The following ADAMTSL1 variants were observed in gnomAD, a reference collection of about 807,000 sequenced individuals.
ADAMTSL1 encodes ADAMTS-like protein 1.
ADAMTSL1 carries 126 observed loss-of-function variants against 201.8 expected under a neutral mutation model. The ratio of observed to expected loss-of-function variants is 0.62; its 90% CI spans 0.54 to 0.72. The LOEUF (loss-of-function observed/expected upper bound fraction) is 0.72, where lower values mean the gene tolerates loss of function less well. ADAMTSL1 is among the 30% of genes least tolerant of loss of function. ADAMTSL1 has a pLI of 0.00. For synonymous variants in ADAMTSL1, 1,121 were observed against 903.4 expected, an observed-to-expected ratio of 1.24 and a Z score of -4.32; for missense variants, 2,679 against 2,277.8, an observed-to-expected ratio of 1.18 and a Z score of -3.59.
At chr9:18,471,052 T>C (rs1821189903), upstream of ADAMTSL1, among the ~76,000 whole-genome samples, 1 of 152,210 alleles carries the variant, frequency 6.6e-6, no homozygotes, top group Non-Finnish European at 1.5e-5. Flanking sequence ...AATATGGATC[T>C]AGATTACCTA....
chr9:17,967,044 C>A (rs1005601777), intron 1 of ADAMTSL1, among the ~76,000 whole-genome samples: 1 of 152,004 alleles, frequency 6.6e-6, no homozygotes, highest in Non-Finnish European at 1.5e-5. Flanking sequence ...AAATCAGATA[C>A]TTTTCTAAAA....
chr9:18,854,709 A>T (rs1419021907), intron 23 of ADAMTSL1, among the ~76,000 whole-genome samples: 2 of 152,196 alleles, frequency 1.3e-5, no homozygotes, highest in East Asian at 3.8e-4. Flanking sequence ...TGGGCTCTAG[A>T]AATTAACATA....
chr9:18,022,997 C>T (rs34384948), intron 1 of ADAMTSL1, among the ~76,000 whole-genome samples: 41,338 of 151,944 alleles, frequency 0.27, 7,131 homozygotes, highest in Non-Finnish European at 0.38. Flanking sequence ...CCATCTCCCT[C>T]TTCCTGTGCC....
intron 23 of ADAMTSL1, among the ~76,000 whole-genome samples, chr9:18,874,218 T>A (rs559395223): frequency 6.6e-6 from 1 of 152,280 alleles, no homozygotes; most frequent in South Asian, 2.1e-4. Context: ...TTTCTAGGTA[T>A]ATGATTATAT....
chr9:18,554,805 C>G (rs1481485672), intron 3 of ADAMTSL1, among the ~76,000 whole-genome samples: 1 of 151,406 alleles, frequency 6.6e-6, no homozygotes, highest in Admixed American at 6.6e-5. Context: ...CATGTACAGT[C>G]TCCCCCACTA....
chr9:18,271,586 T>G (rs1205797851), intron 2 of ADAMTSL1, among the ~76,000 whole-genome samples: 2 of 152,204 alleles, frequency 1.3e-5, no homozygotes, highest in Non-Finnish European at 2.9e-5. Flanking sequence ...TGTTGGACAT[T>G]TGAGTTGGTT....
At chr9:18,076,310 C>T (rs1356584470) in intron 1 of ADAMTSL1, among the ~76,000 whole-genome samples, 1 of 152,216 alleles carries the variant, frequency 6.6e-6, no homozygotes, top group Non-Finnish European at 1.5e-5. Flanking sequence ...GCACATCTTA[C>T]TGAGTTCCTT....
chr9:18,082,500 C>G (rs538222578), intron 1 of ADAMTSL1, among the ~76,000 whole-genome samples: 18 of 152,258 alleles, frequency 1.2e-4, no homozygotes, highest in Middle Eastern at 3.4e-3. Flanking sequence ...TTAGTAAAGA[C>G]AGGGTTTCAC....
intron 14 of ADAMTSL1, among the ~76,000 whole-genome samples, chr9:18,718,727 C>T (rs1196662984): frequency 1.3e-5 from 2 of 152,184 alleles, no homozygotes; most frequent in Non-Finnish European, 2.9e-5. Context: ...AAGGAGTTCA[C>T]AAAGTGGAAA....
intron 2 of ADAMTSL1, among the ~76,000 whole-genome samples, chr9:18,179,364 T>C (rs1449138667): frequency 1.3e-5 from 2 of 151,924 alleles, no homozygotes; most frequent in African/African-American, 4.8e-5. Context: ...CTCCAAGAAA[T>C]ATGGGACTAC....
intron 13 of ADAMTSL1, among the ~76,000 whole-genome samples, chr9:18,693,124 A>G (rs989181405): frequency 3.3e-5 from 5 of 152,214 alleles, no homozygotes; most frequent in Non-Finnish European, 5.9e-5. Flanking sequence ...CTAACCTAGG[A>G]ACAGTTCCAA....
intron 3 of ADAMTSL1, among the ~76,000 whole-genome samples, chr9:18,553,273 T>C (rs77070771): frequency 0.016 from 2,349 of 150,824 alleles, 45 homozygotes; most frequent in African/African-American, 0.049. Flanking sequence ...AAGTTATATA[T>C]CCATTTCTAT....
At chr9:18,712,835 AG>A (rs1229473826) in intron 14 of ADAMTSL1, among the ~76,000 whole-genome samples, 2 of 150,630 alleles carry the variant, frequency 1.3e-5, no homozygotes, top group African/African-American at 2.4e-5. Flanking sequence ...AAAAATGTTA[AG>A]GGCAGCCAGA....
intron 1 of ADAMTSL1, among the ~76,000 whole-genome samples, chr9:18,070,168 G>A (rs1822896341): frequency 6.6e-6 from 1 of 152,174 alleles, no homozygotes; most frequent in South Asian, 2.1e-4. Flanking sequence ...AGAAACACAA[G>A]CATTCAAAGA....
chr9:18,759,745 T>A (rs1181558909), intron 16 of ADAMTSL1, among the ~76,000 whole-genome samples: 2 of 152,210 alleles, frequency 1.3e-5, no homozygotes, highest in Non-Finnish European at 2.9e-5. Flanking sequence ...TGCAGCTGCT[T>A]GCTTCACACC....
intron 16 of ADAMTSL1, among the ~76,000 whole-genome samples, chr9:18,763,814 T>A (rs538195614): frequency 6.6e-6 from 1 of 152,326 alleles, no homozygotes; most frequent in African/African-American, 2.4e-5. Flanking sequence ...GTTTTGTTTC[T>A]GGGTTCTCTA....
chr9:18,355,917 G>A (rs1451417399), intron 2 of ADAMTSL1, among the ~76,000 whole-genome samples: 1 of 152,196 alleles, frequency 6.6e-6, no homozygotes, highest in Non-Finnish European at 1.5e-5. Flanking sequence ...TTGCAAGCTG[G>A]GGACCTGCAG....
intron 2 of ADAMTSL1, among the ~76,000 whole-genome samples, chr9:18,342,766 T>C (rs1407326521): frequency 6.6e-6 from 1 of 152,130 alleles, no homozygotes; most frequent in Non-Finnish European, 1.5e-5. Context: ...CTTCATTTGC[T>C]TTAAGTTATA....
At chr9:18,631,516 G>A (rs10963686) in intron 5 of ADAMTSL1, among the ~76,000 whole-genome samples, 20,114 of 152,124 alleles carry the variant, frequency 0.13, 1,455 homozygotes, top group Admixed American at 0.2. Context: ...AAAATAAAGT[G>A]TCAGCTCCAT....
Sources: gnomAD v4.1 joint callset for allele counts (sites outside exome capture counted in the v4.1 genomes callset) on GRCh38, gnomAD v4.1.1 for gene constraint, MANE v1.5 for transcripts, NCBI Gene and HGNC (gene_info 2026-07-23, HGNC 2026-07-21) for gene names.